Variants in RGS6 observed in about 807,000 individuals in gnomAD.
RGS6 encodes the protein regulator of G protein signaling 6.
In RGS6, 30 loss-of-function variants were observed where a neutral mutation model predicts 78.5. The observed-to-expected ratio is 0.38, with a 90% CI of 0.29 to 0.52. The LOEUF is 0.52. Among genes scored for constraint, RGS6 ranks in the 20% least tolerant of loss-of-function variants. The pLI is 0.85. For missense variants in RGS6, 495 were observed against 609.7 expected, an observed-to-expected ratio of 0.81 and a Z score of 1.98; for synonymous variants, 206 against 206.0, an observed-to-expected ratio of 1.00 and a Z score of 0.00.
intron 2 of RGS6, among the ~76,000 whole-genome samples, chr14:72,306,389 G>A (rs1209028678): frequency 6.6e-6 from 1 of 152,192 alleles, no homozygotes; most frequent in African/African-American, 2.4e-5. Context: ...GGAGCAAAGA[G>A]TAATTTTGAT....
At chr14:72,118,298 C>G (rs2095957453) in intron 2 of RGS6, among the ~76,000 whole-genome samples, 1 of 152,152 alleles carries the variant, frequency 6.6e-6, no homozygotes, top group Admixed American at 6.5e-5. Flanking sequence ...CTATAATGCT[C>G]TTTTCCCTTG....
In RGS6 at chr14:72,474,651, G is replaced by A; in HGVS notation, c.645G>A (p.Met215Ile). 1 of 1,612,990 alleles carries A rather than the reference G, an allele frequency of 6.2e-7. No individual in the cohort carries two copies. Among genetic ancestry groups the A allele is most frequent in the Non-Finnish European group, 8.5e-7 (1 of 1,179,504 alleles). The change falls in exon 10 of 18, where the codon ATG becomes ATA. Residue 215 changes from methionine to isoleucine, a missense_variant. Coordinates refer to ENST00000553525, the MANE Select transcript of RGS6 (RefSeq NM_001204424.2). ...CAGGCTGTGTGAACACAACAGAAAT[G>A]GATATCCGAAAATGTCGACGTTTGA... is the stretch of plus-strand genomic sequence containing the variant. ...PVPGCVNTTEMDIRKCRRLKN... is the reference protein window; with the variant it reads ...PVPGCVNTTEIDIRKCRRLKN...
chr14:72,458,125 C>T (rs1024658799), intron 4 of RGS6, 146 bp from the exon 5 acceptor site: 19 of 563,716 alleles, frequency 3.4e-5, no homozygotes, highest in Non-Finnish European at 5.5e-5. Context: ...CATCTCCCCT[C>T]CTCACCCCCA....
intron 3 of RGS6, among the ~76,000 whole-genome samples, chr14:72,402,219 G>T (rs894772496): frequency 6.6e-6 from 1 of 152,184 alleles, no homozygotes; most frequent in African/African-American, 2.4e-5. Context: ...TCAGAGCAGC[G>T]TACAGAAAGG....
At chr14:72,598,824 C>T in the RGS6 span, among the ~76,000 whole-genome samples, 1 of 152,256 alleles carries the variant, frequency 6.6e-6, no homozygotes, top group Non-Finnish European at 1.5e-5. Context: ...ATTCCTGGCC[C>T]ATTCCTTCTC....
At chr14:72,153,157 C>T (rs1184156298) in intron 2 of RGS6, among the ~76,000 whole-genome samples, 5 of 152,184 alleles carry the variant, frequency 3.3e-5, no homozygotes, top group African/African-American at 1.2e-4. Flanking sequence ...GTCACTTGCT[C>T]TCTGTTGGGA....
intron 2 of RGS6, among the ~76,000 whole-genome samples, chr14:71,973,636 G>A (rs1046491349): frequency 1.3e-5 from 2 of 152,234 alleles, no homozygotes; most frequent in South Asian, 4.1e-4. Context: ...AGTGAGCAGA[G>A]ATGGTGCCAC....
At chr14:72,130,826 T>C in intron 2 of RGS6, among the ~76,000 whole-genome samples, 1 of 152,358 alleles carries the variant, frequency 6.6e-6, no homozygotes, top group East Asian at 1.9e-4. Flanking sequence ...TGCTATGTCT[T>C]ACGTATACAT....
At chr14:72,597,510 T>C in the RGS6 span, among the ~76,000 whole-genome samples, 15 of 152,302 alleles carry the variant, frequency 9.8e-5, no homozygotes, top group Admixed American at 4.6e-4. Context: ...CCATGACTGG[T>C]TGGACCAGAC....
intron 12 of RGS6, among the ~76,000 whole-genome samples, chr14:72,481,444 G>C (rs1046355920): frequency 1.6e-4 from 24 of 152,282 alleles, no homozygotes; most frequent in African/African-American, 5.5e-4. Flanking sequence ...CTCCCACACA[G>C]AGATCTCTGC....
At chr14:72,426,321 C>T (rs538230626) in intron 3 of RGS6, among the ~76,000 whole-genome samples, 2 of 152,294 alleles carry the variant, frequency 1.3e-5, no homozygotes, top group East Asian at 3.9e-4. Flanking sequence ...AAGAGTAAGA[C>T]TGGCCACAAA....
intron 2 of RGS6, among the ~76,000 whole-genome samples, chr14:72,151,652 G>A (rs1314695655): frequency 6.6e-6 from 1 of 152,144 alleles, no homozygotes; most frequent in East Asian, 1.9e-4. Context: ...TCACGTGTAG[G>A]GGAGGAGAGT....
chr14:72,011,463 T>G (rs779028443), intron 2 of RGS6, among the ~76,000 whole-genome samples: 1 of 152,158 alleles, frequency 6.6e-6, no homozygotes, highest in Non-Finnish European at 1.5e-5. Flanking sequence ...CTCATGGCAT[T>G]CCCTTGAATT....
chr14:72,005,424 T>C (rs990595968), intron 2 of RGS6, among the ~76,000 whole-genome samples: 5 of 143,478 alleles, frequency 3.5e-5, no homozygotes, highest in African/African-American at 1.2e-4. Flanking sequence ...TTTCCAAGAT[T>C]ACACACCTGC....
At chr14:72,467,642 C>G (rs1464292014) in intron 7 of RGS6, among the ~76,000 whole-genome samples, 2 of 152,110 alleles carry the variant, frequency 1.3e-5, no homozygotes. Flanking sequence ...TGCAGGGGGC[C>G]AGAAGAGGAA....
At chr14:72,038,586 A>T (rs1453521306) in intron 2 of RGS6, among the ~76,000 whole-genome samples, 1 of 152,110 alleles carries the variant, frequency 6.6e-6, no homozygotes, top group Non-Finnish European at 1.5e-5. Flanking sequence ...AGTTTTCAGC[A>T]TACCCTCTAA....
At chr14:72,007,702 CCTCT>C (rs986255848) in intron 2 of RGS6, among the ~76,000 whole-genome samples, 1 of 152,130 alleles carries the variant, frequency 6.6e-6, no homozygotes, top group African/African-American at 2.4e-5. Context: ...CCTTACAGAT[CCTCT>C]CTATCAACCA....
intron 17 of RGS6, among the ~76,000 whole-genome samples, chr14:72,542,415 G>T (rs1172487613): frequency 6.6e-6 from 1 of 152,212 alleles, no homozygotes; most frequent in Non-Finnish European, 1.5e-5. Flanking sequence ...GCCATTCTCT[G>T]ACTATCATAT....
intron 17 of RGS6, among the ~76,000 whole-genome samples, chr14:72,556,905 C>A (rs994102729): frequency 1.3e-5 from 2 of 152,138 alleles, no homozygotes; most frequent in Non-Finnish European, 2.9e-5. Flanking sequence ...TGTGATATAG[C>A]TTCCTATTTA....
Sources: allele counts gnomAD v4.1 joint callset (sites outside exome capture counted in the v4.1 genomes callset), GRCh38; gene constraint gnomAD v4.1.1; transcripts MANE v1.5; gene names NCBI Gene and HGNC (gene_info 2026-07-23, HGNC 2026-07-21).